The following IDI1 variants were observed in gnomAD, a reference collection of about 807,000 sequenced individuals.
The protein encoded by IDI1 is isopentenyl-diphosphate delta isomerase 1.
Under a neutral mutation model 32.9 loss-of-function variants are expected in IDI1, and 23 were observed. The ratio of observed to expected loss-of-function variants is 0.70; its 90% CI spans 0.50 to 0.99. The LOEUF is 0.99. Ranked by LOEUF, IDI1 falls within the 50% of genes least tolerant of loss-of-function variation. The pLI is 0.00. For synonymous variants in IDI1, 133 were observed against 128.2 expected (o/e 1.04, Z -0.25); for missense variants, 326 against 351.9 (o/e 0.93, Z 0.59).
intron 3 of IDI1, 143 bp downstream of exon 3, chr10:1,043,158 C>T: frequency 6.5e-6 from 4 of 612,438 alleles, no homozygotes; most frequent in Non-Finnish European, 1.2e-5. Flanking sequence ...AGGTTGCACT[C>T]ATTGTGTAAA....
chr10:1,042,278 C>T (rs957280635), intron 4 of IDI1, among the ~76,000 whole-genome samples: 1 of 152,124 alleles, frequency 6.6e-6, no homozygotes, highest in Non-Finnish European at 1.5e-5. Context: ...AGAAAATCTT[C>T]ACCTTTTTTG....
intron 2 of IDI1, chr10:1,043,660 A>G (rs1169269556): frequency 1.5e-6 from 1 of 649,284 alleles, no homozygotes; most frequent in Admixed American, 2.1e-5. Flanking sequence ...AGTTCTCGGA[A>G]AGTGGTGAAG....
Position 1,041,142 on chromosome 10 carries a change from G to A in IDI1, c.*45C>T. 2 of 1,092,760 alleles carry A rather than the reference G, an allele frequency of 1.8e-6. No individual in the cohort carries two copies. The highest frequency in any genetic ancestry group is 1.3e-6 in the Non-Finnish European group (1 of 757,178). 67.7% of individuals were successfully genotyped at this position (1,092,760 alleles called of 1,614,324 possible). A position where few individuals can be genotyped will look rare whatever the true frequency, so the allele number is the denominator to read the frequency against. On this transcript the variant is annotated 3_prime_UTR_variant, in exon 5 of 5. Transcript: ENST00000381344. Reference sequence around the variant, plus strand: ...ATTTAAAAGGAAAAAGTCATTCTAAGTTTGTTAAGCAGATAAATTTTTCTG... The same window carrying A: ...ATTTAAAAGGAAAAAGTCATTCTAAATTTGTTAAGCAGATAAATTTTTCTG...
At chr10:1,053,429 T>C (rs1833064316), upstream of IDI1, among the ~76,000 whole-genome samples, 2 of 152,268 alleles carry the variant, frequency 1.3e-5, no homozygotes, top group African/African-American at 4.8e-5. Context: ...TGAAGAGAGT[T>C]AGGGCCTTAC....
At position 1,044,177 on chromosome 10, in the gene IDI1, A is replaced by G. The variant is rs1832726002; in HGVS notation, c.141-6T>C. ...GTCTGATCTGTTCTAGAACACTAAT[A>G]TTAAAGGAAAAGAGAAAGAAAGGCC... On this transcript the variant is annotated splice_polypyrimidine_tract_variant and splice_region_variant and intron_variant, in intron 1 of 4. Coordinates refer to ENST00000381344, the MANE Select transcript of IDI1 (RefSeq NM_004508.4). The G allele has an allele frequency of 1.9e-6, 3 of 1,593,724 alleles. No homozygotes were observed. Among genetic ancestry groups the G allele is most frequent in the African/African-American group, 1.4e-5 (1 of 73,738 alleles).
At chr10:1,049,470 CCT>C (rs201764551), upstream of IDI1, 49 of 59,206 alleles carry the variant, frequency 8.3e-4, no homozygotes, top group East Asian at 2.3e-3. Context: ...CACTCCCCCC[CCT>C]CCCCCCCCCC....
the IDI1 span, among the ~76,000 whole-genome samples, chr10:1,054,188 C>CA: frequency 2.0e-5 from 3 of 152,216 alleles, no homozygotes; most frequent in Non-Finnish European, 4.4e-5. Context: ...ATGGTGCTGA[C>CA]AGACTTGCTC....
At chr10:1,054,279 C>T in the IDI1 span, among the ~76,000 whole-genome samples, 1 of 152,148 alleles carries the variant, frequency 6.6e-6, no homozygotes, top group African/African-American at 2.4e-5. Flanking sequence ...CACATGAAAA[C>T]AGTTGTGCCT....
In IDI1 at chr10:1,043,765, A is replaced by G. The variant is rs148328089; in HGVS notation, c.313+234T>C. The G allele has an allele frequency of 3.3e-5, 22 of 671,458 alleles. 1 individual carries two copies. The highest frequency in any genetic ancestry group is 3.0e-4 in the South Asian group (20 of 66,498). 41.6% of individuals were successfully genotyped at this position (671,458 alleles called of 1,614,324 possible). A position where few individuals can be genotyped will look rare whatever the true frequency, so the allele number is the denominator to read the frequency against. ...GTATGTCAGGGCTAGTCCCTCTTCT[A>G]TGAATCCAGAATAACTCTGAAGAAG... On this transcript the variant is annotated intron_variant, in intron 2 of 4. Transcript: ENST00000381344.
chr10:1,046,374 G>A (rs376986842), intron 1 of IDI1, among the ~76,000 whole-genome samples: 14 of 152,298 alleles, frequency 9.2e-5, no homozygotes, highest in African/African-American at 3.1e-4. Flanking sequence ...AATACTTGCT[G>A]TTGTGTTACA....
At chr10:1,050,842 G>C (rs1482713420), upstream of IDI1, among the ~76,000 whole-genome samples, 1 of 152,238 alleles carries the variant, frequency 6.6e-6, no homozygotes, top group Non-Finnish European at 1.5e-5. Context: ...CACAAAGACA[G>C]TGCCCCTGGC....
In IDI1 at chr10:1,043,338, C is replaced by G; in HGVS notation, c.369G>C (p.Leu123=). 6.2e-7 allele frequency: 1 copy of G among 1,610,364 alleles called. No individual in the cohort carries two copies. The highest frequency in any genetic ancestry group is 1.7e-5 in the Admixed American group (1 of 60,020). ...TCTTAGCATCTGATCTTTGCTGTAG[C>G]AGAAGCTTATTTTCGGTGTTGAATA... ...VFLFNTENKL[L]LQQRSDAKIT... Residue 123 remains leucine, a synonymous_variant, in exon 3 of 5, where the codon CTG becomes CTC. Coordinates refer to ENST00000381344, the MANE Select transcript of IDI1 (RefSeq NM_004508.4).
Position 1,042,817 on chromosome 10 carries a change from G to T in IDI1, c.407-55C>A, listed in dbSNP as rs1832657272. On this transcript the variant is annotated intron_variant, in intron 3 of 4. Transcript: ENST00000381344. ...ACTTTTCTTCAAAGTAGGTCTGAAA[G>T]ATCAAGAAAAAGTTTTATAAGTAAC... The T allele has an allele frequency of 1.0e-5, 16 of 1,526,706 alleles. No homozygotes were observed. In the South Asian group the frequency reaches 1.8e-4, roughly 17 times the overall value. 94.6% of individuals were successfully genotyped at this position (1,526,706 alleles called of 1,614,324 possible). A position where few individuals can be genotyped will look rare whatever the true frequency, so the allele number is the denominator to read the frequency against.
chr10:1,049,288 C>A (rs187851069), upstream of IDI1: 5 of 460,992 alleles, frequency 1.1e-5, no homozygotes, highest in East Asian at 2.1e-4. Context: ...CGGTGCCTAA[C>A]GTCAGACGTC....
At chr10:1,048,290 T>A (rs758253878) in intron 1 of IDI1, 104 of 1,304,270 alleles carry the variant, frequency 8.0e-5, no homozygotes, top group Non-Finnish European at 1.0e-4. Flanking sequence ...GAACACATCA[T>A]CCAACCCAAG....
chr10:1,041,043 C>T lies in IDI1; in HGVS notation c.*144G>A, dbSNP rs1832561835. ...TTTTTCCACACAAGTTTTAAAGTAT[C>T]AGTGTATATAATACATTAATGATAG... On this transcript the variant is annotated 3_prime_UTR_variant, in exon 5 of 5. Coordinates refer to ENST00000381344, the MANE Select transcript of IDI1 (RefSeq NM_004508.4). 3.7e-6 allele frequency: 2 copies of T among 547,392 alleles called. No individual in the cohort carries two copies. Among genetic ancestry groups the T allele is most frequent in the South Asian group, 6.0e-5 (2 of 33,500 alleles). The allele number at this position is 547,392 out of a possible 1,614,324, so 33.9% of individuals were successfully genotyped here.
chr10:1,041,205 C>G lies in IDI1; in HGVS notation c.837G>C (p.Glu279Asp). 6.3e-7 allele frequency: 1 copy of G among 1,599,654 alleles called. No individual in the cohort carries two copies. The highest frequency in any genetic ancestry group is 2.2e-5 in the East Asian group (1 of 44,666). The change falls in exon 5 of 5, where the codon GAG becomes GAC. Residue 279 changes from glutamate to aspartate, a missense_variant. Around this residue, in one of 2 missense-constraint regions of IDI1, gnomAD observed 205 missense variants for 273.5 expected, o/e 0.75. Coordinates refer to ENST00000381344, the MANE Select transcript of IDI1 (RefSeq NM_004508.4). Reference sequence around the variant, plus strand: ...TACATATTCACATTCTGTATATTTTCTCATGGTCAACAAACTGATTCAAAT... The same window carrying G: ...TACATATTCACATTCTGTATATTTTGTCATGGTCAACAAACTGATTCAAAT... ...LNHLNQFVDH[E>D]KIYRM
chr10:1,048,079 TGGCGCGATCTC>T (rs1409310197), intron 1 of IDI1, among the ~76,000 whole-genome samples: 1 of 152,122 alleles, frequency 6.6e-6, no homozygotes, highest in Admixed American at 6.5e-5. Context: ...TGGAGTGCAG[TGGCGCGATCTC>T]GGCTCACTGC....
chr10:1,052,167 G>A (rs912447959), upstream of IDI1, among the ~76,000 whole-genome samples: 10 of 152,118 alleles, frequency 6.6e-5, no homozygotes, highest in African/African-American at 1.4e-4. Flanking sequence ...CACCGCACCC[G>A]GCCAGGAAAA....
Sources: allele counts gnomAD v4.1 joint callset (sites outside exome capture counted in the v4.1 genomes callset), GRCh38; gene constraint gnomAD v4.1.1; regional missense constraint gnomAD v4.1.1; transcripts MANE v1.5; gene names NCBI Gene and HGNC (gene_info 2026-07-23, HGNC 2026-07-21).